TRDN: variants seen among roughly 807,000 people sequenced by gnomAD.
TRDN encodes the protein triadin in skeletal muscle.
In TRDN, 161 loss-of-function variants were observed where a neutral mutation model predicts 149.7. The observed-to-expected ratio is 1.08, with a 90% CI of 0.95 to 1.23. The LOEUF (loss-of-function observed/expected upper bound fraction) is 1.23, where lower values mean the gene tolerates loss of function less well. Ranked by LOEUF, TRDN falls within the 50% of genes most tolerant of loss-of-function variation. The pLI is 0.00. For synonymous variants in TRDN, 294 were observed against 250.5 expected (o/e 1.17, Z -1.64); for missense variants, 896 against 823.5 (o/e 1.09, Z -1.08).
intron 38 of TRDN, among the ~76,000 whole-genome samples, chr6:123,229,248 TAAC>T (rs1775503254): frequency 6.6e-6 from 1 of 151,932 alleles, no homozygotes; most frequent in Non-Finnish European, 1.5e-5. Flanking sequence ...AGGTTTTGTA[TAAC>T]TCTTCAATAC....
At chr6:123,322,613 T>TTTATTA (rs139658634) in intron 23 of TRDN, among the ~76,000 whole-genome samples, 3,312 of 140,896 alleles carry the variant, frequency 0.024, 57 homozygotes, top group South Asian at 0.06. Flanking sequence ...TTTTTTAAAA[T>TTTATTA]TTATTATTAT....
chr6:123,257,645 T>A (rs1776609422), intron 35 of TRDN, among the ~76,000 whole-genome samples: 1 of 152,220 alleles, frequency 6.6e-6, no homozygotes, highest in African/African-American at 2.4e-5. Flanking sequence ...TGGTTCCATA[T>A]GAAATTTAAA....
chr6:123,533,239 T>A (rs898294928), intron 4 of TRDN, among the ~76,000 whole-genome samples: 1 of 151,838 alleles, frequency 6.6e-6, no homozygotes, highest in African/African-American at 2.4e-5. Context: ...TAGAATAATA[T>A]TTTTTTTAGA....
chr6:123,436,547 CA>C (rs1448321373), intron 12 of TRDN, among the ~76,000 whole-genome samples: 2 of 152,082 alleles, frequency 1.3e-5, no homozygotes, highest in Non-Finnish European at 2.9e-5. Context: ...GCTTGCTAAT[CA>C]TAATCTTTAT....
At chr6:123,443,923 C>T (rs1372037572) in intron 10 of TRDN, among the ~76,000 whole-genome samples, 5 of 150,858 alleles carry the variant, frequency 3.3e-5, no homozygotes, top group Non-Finnish European at 5.9e-5. Context: ...GTTACTGTAG[C>T]CTTGTAGTAT....
At chr6:123,320,583 G>A (rs971275067) in intron 23 of TRDN, among the ~76,000 whole-genome samples, 2 of 152,028 alleles carry the variant, frequency 1.3e-5, no homozygotes, top group African/African-American at 4.8e-5. Context: ...TCCCTAGTAA[G>A]TGGCAAAACT....
rs570856474 is a variant in TRDN at position 123,274,635 on chromosome 6, T to C, written c.1597+6A>G. 3 of 1,607,224 alleles carry C rather than the reference T, an allele frequency of 1.9e-6. No homozygotes were observed. The highest frequency in any genetic ancestry group is 1.1e-5 in the South Asian group (1 of 89,974). On this transcript the variant is annotated splice_donor_region_variant and intron_variant, in intron 27 of 40. Coordinates refer to ENST00000334268, the MANE Select transcript of TRDN (RefSeq NM_006073.4). ...CTGAATCTATATAAAATAAAGCTCA[T>C]GTTACCTGGTTTTGCTTCTTTTTTA...
At chr6:123,381,484 C>T (rs762035231) in intron 15 of TRDN, 94 bp from the exon 16 acceptor site, 10 of 1,204,924 alleles carry the variant, frequency 8.3e-6, no homozygotes, top group African/African-American at 3.0e-5. Flanking sequence ...TTTCCCACCC[C>T]TCCTTCCAAT....
intron 5 of TRDN, among the ~76,000 whole-genome samples, chr6:123,524,070 G>A (rs909652170): frequency 2.0e-5 from 3 of 152,226 alleles, no homozygotes; most frequent in African/African-American, 7.2e-5. Context: ...CTCCAGGCTG[G>A]AGTACGCACA....
At chr6:123,332,639 A>C (rs1308437272) in intron 22 of TRDN, among the ~76,000 whole-genome samples, 1 of 152,084 alleles carries the variant, frequency 6.6e-6, no homozygotes, top group Non-Finnish European at 1.5e-5. Flanking sequence ...ACATTAACAC[A>C]TTTTATGCTT....
At chr6:123,465,020 G>A (rs1325788339) in intron 9 of TRDN, 37 bp from the exon 10 acceptor site, 1 of 1,532,792 alleles carries the variant, frequency 6.5e-7, no homozygotes, top group South Asian at 1.2e-5. Flanking sequence ...AAAAAAAAAA[G>A]TATTAACAAA....
At chr6:123,229,820 T>C (rs1775529579) in intron 38 of TRDN, among the ~76,000 whole-genome samples, 1 of 152,070 alleles carries the variant, frequency 6.6e-6, no homozygotes, top group African/African-American at 2.4e-5. Context: ...ATGGTAGGTA[T>C]GGTATATAAT....
chr6:123,585,470 A>G (rs1783420772), intron 1 of TRDN, among the ~76,000 whole-genome samples: 2 of 152,122 alleles, frequency 1.3e-5, no homozygotes, highest in Admixed American at 6.5e-5. Context: ...ATGGGGACAG[A>G]CTTATCCTTC....
At chr6:123,300,309 G>T (rs532563584) in intron 24 of TRDN, among the ~76,000 whole-genome samples, 2 of 152,088 alleles carry the variant, frequency 1.3e-5, no homozygotes, top group South Asian at 2.1e-4. Flanking sequence ...AGCTCAAAAA[G>T]TTCAAATTAT....
intron 24 of TRDN, among the ~76,000 whole-genome samples, chr6:123,292,332 A>ACTTATTGGCC (rs1778038573): frequency 1.3e-5 from 2 of 152,092 alleles, no homozygotes; most frequent in South Asian, 4.1e-4. Flanking sequence ...GTGGGTGGAC[A>ACTTATTGGCC]CTTATTGGCC....
intron 30 of TRDN, 28 bp from the exon 31 acceptor site, chr6:123,269,894 C>T: frequency 6.2e-7 from 1 of 1,607,438 alleles, no homozygotes; most frequent in African/African-American, 1.3e-5. Context: ...AAGCACATGG[C>T]ATATTGATGA....
At chr6:123,477,856 C>T (rs928847788) in intron 9 of TRDN, among the ~76,000 whole-genome samples, 1 of 140,350 alleles carries the variant, frequency 7.1e-6, no homozygotes, top group Non-Finnish European at 1.5e-5. Context: ...GGGAATTGAA[C>T]GATGAGATCA....
chr6:123,486,665 AT>A (rs140299961), intron 9 of TRDN, among the ~76,000 whole-genome samples: 2,899 of 152,154 alleles, frequency 0.019, 88 homozygotes, highest in African/African-American at 0.065. Context: ...CATATTAATC[AT>A]TCCTCTACTT....
chr6:123,382,084 A>T, intron 15 of TRDN, 34 bp downstream of exon 15: 1 of 1,461,710 alleles, frequency 6.8e-7, no homozygotes, highest in East Asian at 2.8e-5. Flanking sequence ...GGTTCATCAA[A>T]CATAAGGCAG....
Sources: gnomAD v4.1 joint callset for allele counts (sites outside exome capture counted in the v4.1 genomes callset) on GRCh38, gnomAD v4.1.1 for gene constraint, MANE v1.5 for transcripts, NCBI Gene and HGNC (gene_info 2026-07-23, HGNC 2026-07-21) for gene names.